The following FGF13 variants were observed in gnomAD, a reference collection of about 807,000 sequenced individuals.
FGF13 encodes the protein fibroblast growth factor 13, also known as fibroblast growth factor homologous factor 2.
In FGF13, 2 loss-of-function variants were observed where a neutral mutation model predicts 19.5. That is an observed-to-expected ratio of 0.10 (90% CI 0.04 to 0.32). FGF13 has a LOEUF of 0.32. FGF13 is among the 10% of genes least tolerant of loss of function. FGF13 has a pLI of 1.00. For synonymous variants in FGF13, 72 were observed against 76.9 expected, an observed-to-expected ratio of 0.94 and a Z score of 0.33; for missense variants, 113 against 192.7, an observed-to-expected ratio of 0.59 and a Z score of 2.45.
intron 1 of FGF13, among the ~76,000 whole-genome samples, chrX:139,144,067 GGCAGGGTGCA>G (rs764479370): frequency 3.3e-4 from 37 of 111,385 alleles, no homozygotes; most frequent in Non-Finnish European, 5.1e-4. Context: ...AGGTAGCCCT[GGCAGGGTGCA>G]GCACTCCCCT....
At chrX:138,849,136 GC>G (rs1333361266) in intron 3 of FGF13, among the ~76,000 whole-genome samples, 5 of 111,612 alleles carry the variant, frequency 4.5e-5, no homozygotes, top group African/African-American at 1.6e-4. Flanking sequence ...AGCCAGCAGA[GC>G]CTTTCCCAAA....
intron 1 of FGF13, among the ~76,000 whole-genome samples, chrX:138,866,737 G>A (rs2124157934): frequency 8.9e-6 from 1 of 111,937 alleles, no homozygotes; most frequent in Non-Finnish European, 1.9e-5. Flanking sequence ...ATGCAGACTT[G>A]CAGGACTGCT....
chrX:138,970,558 G>A (rs762215491), intron 1 of FGF13, among the ~76,000 whole-genome samples: 24 of 111,627 alleles, frequency 2.2e-4, no homozygotes, highest in African/African-American at 7.5e-4. Flanking sequence ...GACCCAGAGC[G>A]CGTCAGGATG....
intron 3 of FGF13, among the ~76,000 whole-genome samples, chrX:138,806,193 C>A (rs1320105021): frequency 3.6e-5 from 4 of 111,888 alleles, no homozygotes; most frequent in African/African-American, 1.3e-4. Flanking sequence ...TGCTATATAA[C>A]TTACCTAATC....
intron 1 of FGF13, among the ~76,000 whole-genome samples, chrX:139,043,132 AC>A (rs1474721272): frequency 3.6e-5 from 4 of 110,934 alleles, no homozygotes; most frequent in Non-Finnish European, 3.8e-5. Flanking sequence ...CGTGTGACTT[AC>A]CCCACCCCAA....
chrX:139,036,367 T>C (rs1370598544), intron 1 of FGF13, among the ~76,000 whole-genome samples: 1 of 111,621 alleles, frequency 9.0e-6, no homozygotes, highest in East Asian at 2.8e-4. Flanking sequence ...CTGGAGTTTC[T>C]ACGTTTCTAC....
At chrX:138,958,512 G>A (rs895662728) in intron 1 of FGF13, among the ~76,000 whole-genome samples, 2 of 111,692 alleles carry the variant, frequency 1.8e-5, no homozygotes, top group Non-Finnish European at 3.8e-5. Context: ...CCAGGCTTTG[G>A]TATCAGGATT....
intron 3 of FGF13, among the ~76,000 whole-genome samples, chrX:138,679,510 G>A (rs887817421): frequency 8.9e-6 from 1 of 111,931 alleles, no homozygotes; most frequent in African/African-American, 3.2e-5. Flanking sequence ...AATAAAGTGA[G>A]TATCTCAATA....
chrX:139,022,869 T>C (rs980711265), intron 1 of FGF13, among the ~76,000 whole-genome samples: 28 of 111,624 alleles, frequency 2.5e-4, no homozygotes, highest in Non-Finnish European at 4.5e-4. Context: ...TGCAAGCAGC[T>C]GCATGTCCTC....
intron 1 of FGF13, among the ~76,000 whole-genome samples, chrX:139,094,377 G>A (rs1304870927): frequency 8.9e-6 from 1 of 112,138 alleles, no homozygotes; most frequent in Non-Finnish European, 1.9e-5. Flanking sequence ...ACAGAGTTTG[G>A]AATGGACTTC....
intron 1 of FGF13, among the ~76,000 whole-genome samples, chrX:139,121,668 T>C (rs2083678170): frequency 1.8e-5 from 2 of 111,276 alleles, no homozygotes; most frequent in African/African-American, 6.5e-5. Context: ...GCTAGGATTA[T>C]AGATATGAGT....
At chrX:139,032,162 A>G (rs1383043450) in intron 1 of FGF13, among the ~76,000 whole-genome samples, 1 of 111,925 alleles carries the variant, frequency 8.9e-6, no homozygotes, top group African/African-American at 3.2e-5. Flanking sequence ...AACAGGGCTA[A>G]GCAGATGCTT....
At chrX:139,013,821 C>G (rs1220789295) in intron 1 of FGF13, among the ~76,000 whole-genome samples, 1 of 108,963 alleles carries the variant, frequency 9.2e-6, no homozygotes, top group East Asian at 2.9e-4. Flanking sequence ...TCAGAAATCA[C>G]AACTAAAGAA....
At chrX:139,039,912 G>A (rs186493395) in intron 1 of FGF13, among the ~76,000 whole-genome samples, 82 of 111,788 alleles carry the variant, frequency 7.3e-4, no homozygotes, top group African/African-American at 2.6e-3. Flanking sequence ...AATATGAGAC[G>A]TGTCAGAAGA....
chrX:139,145,082 T>C (rs1346702152), intron 1 of FGF13, among the ~76,000 whole-genome samples: 1 of 112,138 alleles, frequency 8.9e-6, no homozygotes, highest in Non-Finnish European at 1.9e-5. Context: ...ATCTCTTTAA[T>C]GTCTGGGTTA....
chrX:138,739,277 T>C, exon 1 of FGF13: 2 of 1,193,338 alleles, frequency 1.7e-6, no homozygotes, highest in Non-Finnish European at 2.3e-6. Flanking sequence ...CATGCTTCTT[T>C]ATAAGCTGGT....
chrX:138,957,360 T>C (rs2091845830), intron 1 of FGF13, among the ~76,000 whole-genome samples: 1 of 111,955 alleles, frequency 8.9e-6, no homozygotes, highest in South Asian at 3.8e-4. Flanking sequence ...CACAGGAATA[T>C]ATTTACTTTT....
chrX:138,646,217 T>C (rs753742053), intron 3 of FGF13, among the ~76,000 whole-genome samples: 3 of 112,114 alleles, frequency 2.7e-5, no homozygotes, highest in Non-Finnish European at 5.6e-5. Context: ...ATAATGGGTT[T>C]TGGTAGACTT....
Position 139,082,864 on chromosome X carries a change from G to A in FGF13, c.-113+120552C>T, listed in dbSNP as rs140975297. Among the ~76,000 whole-genome samples, 571 of 111,360 alleles carry A rather than the reference G, an allele frequency of 5.1e-3. 3 individuals are homozygous for A. Among genetic ancestry groups the A allele is most frequent in the African/African-American group, 0.018 (540 of 30,597 alleles). Reference sequence around the variant, plus strand: ...GGCAATTACATGATAATATAATATAGGTCTATTTGTTTACTGTCTGTCTCC... The same window carrying A: ...GGCAATTACATGATAATATAATATAAGTCTATTTGTTTACTGTCTGTCTCC... On this transcript the variant is annotated intron_variant, in intron 1 of 2. Transcript: ENST00000421460.
Sources: allele counts gnomAD v4.1 joint callset (sites outside exome capture counted in the v4.1 genomes callset), GRCh38; gene constraint gnomAD v4.1.1; transcripts MANE v1.5; gene names NCBI Gene and HGNC (gene_info 2026-07-23, HGNC 2026-07-21).